Variants in C11orf65 observed in about 807,000 individuals in gnomAD.
The protein encoded by C11orf65 is protein MFI.
A neutral mutation model predicts 35.3 loss-of-function variants in C11orf65; 38 were observed. The ratio of observed to expected loss-of-function variants is 1.08; its 90% CI spans 0.83 to 1.41. The LOEUF is 1.41. Among genes scored for constraint, C11orf65 ranks in the 40% most tolerant of loss-of-function variants. The pLI, the probability that C11orf65 is intolerant of heterozygous loss-of-function variation, is 0.00. For missense variants in C11orf65, 370 were observed against 367.1 expected, an observed-to-expected ratio of 1.01 and a Z score of -0.06; for synonymous variants, 105 against 114.4, an observed-to-expected ratio of 0.92 and a Z score of 0.53.
chr11:108,393,455 T>C, intron 6 of C11orf65, 77 bp from the exon 7 acceptor site: 2 of 1,346,226 alleles, frequency 1.5e-6, no homozygotes, highest in Non-Finnish European at 2.1e-6. Context: ...ATATATATTG[T>C]TGCTATTTAC....
chr11:108,361,616 C>A (rs2090768079), intron 2 of C11orf65, among the ~76,000 whole-genome samples: 1 of 151,624 alleles, frequency 6.6e-6, no homozygotes, highest in South Asian at 2.1e-4. Flanking sequence ...ATCAATGGAA[C>A]AGAACAGAGC....
intron 2 of C11orf65, among the ~76,000 whole-genome samples, chr11:108,437,970 T>A (rs1432735536): frequency 6.6e-6 from 1 of 152,030 alleles, no homozygotes; most frequent in Non-Finnish European, 1.5e-5. Context: ...TGAAAAAGTG[T>A]GAGTTGGAGA....
intron 2 of C11orf65, among the ~76,000 whole-genome samples, chr11:108,357,965 G>A (rs2090225406): frequency 6.7e-6 from 1 of 149,850 alleles, no homozygotes; most frequent in Non-Finnish European, 1.5e-5. Flanking sequence ...GACGAGCTGA[G>A]AGAAGAAGGC....
At chr11:108,459,795 C>T (rs892788140) in intron 2 of C11orf65, among the ~76,000 whole-genome samples, 2 of 148,818 alleles carry the variant, frequency 1.3e-5, no homozygotes, top group African/African-American at 4.9e-5. Context: ...GGCTTCTCTG[C>T]TGAAGCTCCT....
At chr11:108,353,188 G>A (rs943872441) in intron 2 of C11orf65, among the ~76,000 whole-genome samples, 3 of 150,938 alleles carry the variant, frequency 2.0e-5, no homozygotes, top group South Asian at 4.2e-4. Context: ...CACTCTTGTC[G>A]CCCAGGCTGG....
intron 7 of C11orf65, among the ~76,000 whole-genome samples, chr11:108,391,703 A>G (rs2092165357): frequency 6.6e-6 from 1 of 150,824 alleles, no homozygotes; most frequent in South Asian, 2.1e-4. Flanking sequence ...AATTATTTTC[A>G]TTGCCTCAGA....
At position 108,318,305 on chromosome 11, in the gene C11orf65, T is replaced by C. The variant is rs1316810335; in HGVS notation, c.641-9234A>G. 2.0e-5 allele frequency among the ~76,000 whole-genome samples: 3 copies of C among 151,800 alleles called. No individual in the cohort carries two copies. The East Asian group carries it at 5.8e-4, about 29-fold the overall frequency. On this transcript the variant is annotated intron_variant, in intron 6 of 6. Coordinates refer to the C11orf65 transcript ENST00000525729. Reference sequence around the variant, plus strand: ...AGAACACGGGAGACGGAGGTTGCAGTGAGCTGAGATAGCACCACTGCACTC... The same window carrying C: ...AGAACACGGGAGACGGAGGTTGCAGCGAGCTGAGATAGCACCACTGCACTC...
Position 108,365,339 on chromosome 11 carries a change from G to C in C11orf65, c.226+27869C>G, listed in dbSNP as rs587781413. On this transcript the variant is annotated intron_variant, in intron 2 of 3. Transcript: ENST00000524755. ...TTTGTCCTTAGTGATATTGACCAGAGTTTCAACAAAGTAGCTGAACGTGTC... is the reference window on the plus strand; with the variant it reads ...TTTGTCCTTAGTGATATTGACCAGACTTTCAACAAAGTAGCTGAACGTGTC... The C allele has an allele frequency of 6.2e-7, 1 of 1,614,216 alleles. No homozygotes were observed. Among genetic ancestry groups the C allele is most frequent in the Non-Finnish European group, 8.5e-7 (1 of 1,180,036 alleles).
At chr11:108,434,603 T>C (rs2093037379) in intron 2 of C11orf65, among the ~76,000 whole-genome samples, 1 of 149,586 alleles carries the variant, frequency 6.7e-6, no homozygotes, top group African/African-American at 2.5e-5. Context: ...GAGTCCAACT[T>C]GCCAACACAG....
At chr11:108,311,343 GTAGGAAGCCTTA>G (rs2084141125) in intron 6 of C11orf65, among the ~76,000 whole-genome samples, 1 of 152,066 alleles carries the variant, frequency 6.6e-6, no homozygotes. Context: ...AAGTGGATCG[GTAGGAAGCCTTA>G]TATTTGAAGA....
At chr11:108,319,903 A>C (rs770606157) in intron 6 of C11orf65, 2 of 1,309,082 alleles carry the variant, frequency 1.5e-6, no homozygotes, top group South Asian at 1.2e-5. Flanking sequence ...ATACATGTAT[A>C]TCTTAGGGTT....
chr11:108,393,782 A>C (rs1310615959), intron 6 of C11orf65, among the ~76,000 whole-genome samples: 1 of 152,204 alleles, frequency 6.6e-6, no homozygotes, highest in Non-Finnish European at 1.5e-5. Flanking sequence ...GCAGATAAAG[A>C]GGGAAGGAAA....
chr11:108,354,682 T>C, intron 2 of C11orf65: 2 of 855,876 alleles, frequency 2.3e-6, no homozygotes, highest in Non-Finnish European at 2.0e-6. Flanking sequence ...TATTATGCTA[T>C]TTTGAGATAC....
At chr11:108,347,068 C>G (rs2088510413) in intron 2 of C11orf65, among the ~76,000 whole-genome samples, 1 of 152,074 alleles carries the variant, frequency 6.6e-6, no homozygotes, top group East Asian at 1.9e-4. Flanking sequence ...AGCAAATCAT[C>G]TAGGATTTGT....
intron 3 of C11orf65, among the ~76,000 whole-genome samples, chr11:108,422,128 C>T (rs555154100): frequency 8.0e-4 from 122 of 152,190 alleles, no homozygotes; most frequent in African/African-American, 2.8e-3. Flanking sequence ...CGGGGTTTCA[C>T]TATGTTGGCC....
rs942764522 is a variant in C11orf65, at chr11:108,405,856, G to T, written c.430-297C>A. On this transcript the variant is annotated intron_variant, in intron 5 of 8. Transcript: ENST00000393084. ...AGTGTCTCATCTTCTCACATGAATA[G>T]ACCTGACCTACTCTTAGTGCTGATG... Among the ~76,000 whole-genome samples, 7 of 152,190 alleles carry T rather than the reference G, an allele frequency of 4.6e-5. No individual in the cohort carries two copies. The South Asian group carries it at 6.2e-4, about 14-fold the overall frequency.
At chr11:108,337,104 A>G (rs1218798514) in intron 2 of C11orf65, among the ~76,000 whole-genome samples, 2 of 152,220 alleles carry the variant, frequency 1.3e-5, no homozygotes, top group African/African-American at 2.4e-5. Context: ...AATAAATTAG[A>G]TCTACCCTCC....
rs377596644 is a variant in C11orf65 at position 108,407,117 on chromosome 11, A to T, written c.207T>A (p.His69Gln). ...TTACTCCACCTAATCTGAATCGCAC[A>T]TGAATGCCAGCAGCAGCATCTAGAA... is the stretch of plus-strand genomic sequence containing the variant. ...AELLDAAAGI[H>Q]VRFRLGGVKF... Residue 69 changes from histidine (H) to glutamine (Q), a missense_variant, in exon 4 of 9, where the codon CAT becomes CAA. His to Gln is a conservative substitution (Grantham distance 24, BLOSUM62 0). Coordinates refer to ENST00000393084, the MANE Select transcript of C11orf65 (RefSeq NM_152587.5). 14 of 1,610,558 alleles carry T rather than the reference A, an allele frequency of 8.7e-6. No individual in the cohort carries two copies. Among genetic ancestry groups the T allele is most frequent in the Admixed American group, 1.7e-5 (1 of 59,944 alleles).
chr11:108,353,881 G>T lies in C11orf65; in HGVS notation c.227-18589C>A, dbSNP rs17174393. On this transcript the variant is annotated intron_variant, in intron 2 of 3. Transcript: ENST00000524755. Reference sequence around the variant, plus strand: ...CGGGTGTTGAAGGTGTCTTCAGAAGGTAAGTGATATGAAGTAAAGGAGGGA... The same window carrying T: ...CGGGTGTTGAAGGTGTCTTCAGAAGTTAAGTGATATGAAGTAAAGGAGGGA... 2.5e-6 allele frequency: 4 copies of T among 1,608,514 alleles called. No individual in the cohort carries two copies. The highest frequency in any genetic ancestry group is 3.4e-6 in the Non-Finnish European group (4 of 1,175,114).
Sources: gnomAD v4.1 joint callset for allele counts (sites outside exome capture counted in the v4.1 genomes callset) on GRCh38, gnomAD v4.1.1 for gene constraint, MANE v1.5 for transcripts, NCBI Gene and HGNC (gene_info 2026-07-23, HGNC 2026-07-21) for gene names.